Variants in PRKCH observed in about 807,000 individuals in gnomAD.
PRKCH encodes protein kinase C eta, also known as protein kinase C eta type.
A neutral mutation model predicts 82.5 loss-of-function variants in PRKCH; 28 were observed. That is an observed-to-expected ratio of 0.34 (90% confidence interval 0.25 to 0.47). The LOEUF (loss-of-function observed/expected upper bound fraction) is 0.47. Ranked by LOEUF, PRKCH falls within the 20% of genes least tolerant of loss-of-function variation. The pLI, the probability that PRKCH is intolerant of heterozygous loss-of-function variation, is 1.00. For synonymous variants in PRKCH, 322 were observed against 327.4 expected, an observed-to-expected ratio of 0.98 and a Z score of 0.18; for missense variants, 705 against 881.8, an observed-to-expected ratio of 0.80 and a Z score of 2.54.
At chr14:61,237,068 CT>C (rs979156518) in intron 1 of PRKCH, among the ~76,000 whole-genome samples, 6 of 151,926 alleles carry the variant, frequency 3.9e-5, no homozygotes, top group Non-Finnish European at 8.8e-5. Context: ...TCCAAGAACC[CT>C]TTTTTGGGGT....
At chr14:61,454,926 C>G (rs932328969) in intron 7 of PRKCH, among the ~76,000 whole-genome samples, 4 of 152,172 alleles carry the variant, frequency 2.6e-5, no homozygotes, top group African/African-American at 9.7e-5. Context: ...AAGGGAAGTG[C>G]AATTACTGTG....
chr14:61,342,406 A>C (rs1566829155), intron 1 of PRKCH, among the ~76,000 whole-genome samples: 1 of 152,124 alleles, frequency 6.6e-6, no homozygotes, highest in Admixed American at 6.5e-5. Flanking sequence ...AGATTTGAAA[A>C]ATCCTAGAAT....
At chr14:61,343,412 C>G (rs1187754396) in intron 1 of PRKCH, among the ~76,000 whole-genome samples, 1 of 136,160 alleles carries the variant, frequency 7.3e-6, no homozygotes, top group Non-Finnish European at 1.5e-5. Context: ...AAAAGACTTA[C>G]ATGTTGAGGC....
chr14:61,512,787 G>A (rs2042764394), intron 10 of PRKCH, among the ~76,000 whole-genome samples: 1 of 152,078 alleles, frequency 6.6e-6, no homozygotes, highest in Non-Finnish European at 1.5e-5. Context: ...GTACCTACAA[G>A]CCCAATTTTC....
chr14:61,214,022 A>G (rs2044600618), intron 1 of PRKCH, among the ~76,000 whole-genome samples: 1 of 152,136 alleles, frequency 6.6e-6, no homozygotes, highest in Admixed American at 6.5e-5. Context: ...GAATTCTAGG[A>G]ATTCTTTAGG....
intron 2 of PRKCH, chr14:61,442,560 G>A (rs1198825099): frequency 6.6e-6 from 1 of 152,442 alleles, no homozygotes; most frequent in Non-Finnish European, 1.5e-5. Flanking sequence ...CTTGGTCTGT[G>A]CTACAAGAGA....
intron 1 of PRKCH, among the ~76,000 whole-genome samples, chr14:61,221,360 G>A (rs528628346): frequency 2.6e-5 from 4 of 152,248 alleles, no homozygotes; most frequent in South Asian, 2.1e-4. Flanking sequence ...ATTGTGTTTG[G>A]ATGGTGGATA....
intron 9 of PRKCH, among the ~76,000 whole-genome samples, chr14:61,466,452 G>A (rs761530086): frequency 4.6e-5 from 7 of 152,064 alleles, no homozygotes; most frequent in South Asian, 2.1e-4. Flanking sequence ...TCCCCGGCTC[G>A]CAGGGGCCTC....
At chr14:61,369,820 G>A (rs766944387) in intron 1 of PRKCH, among the ~76,000 whole-genome samples, 1 of 152,032 alleles carries the variant, frequency 6.6e-6, no homozygotes, top group Non-Finnish European at 1.5e-5. Context: ...GGAAGAAAGT[G>A]ACAGAAAGTT....
chr14:61,528,326 T>C (rs1268566980), intron 10 of PRKCH, among the ~76,000 whole-genome samples: 2 of 152,072 alleles, frequency 1.3e-5, no homozygotes, highest in African/African-American at 2.4e-5. Context: ...CCCAAGTATG[T>C]GGGACTACAG....
At chr14:61,520,729 T>C (rs180993622) in intron 10 of PRKCH, among the ~76,000 whole-genome samples, 1 of 152,338 alleles carries the variant, frequency 6.6e-6, no homozygotes, top group Admixed American at 6.5e-5. Context: ...ATTAGAAGGA[T>C]GATTCCATCT....
At chr14:61,501,400 C>T (rs3783765) in intron 10 of PRKCH, among the ~76,000 whole-genome samples, 120,883 of 151,792 alleles carry the variant, frequency 0.8, 48,616 homozygotes, top group Middle Eastern at 0.89. Context: ...CCCTGATAGA[C>T]AAATAAATGA....
intron 1 of PRKCH, among the ~76,000 whole-genome samples, chr14:61,286,271 T>G (rs2045312867): frequency 6.6e-6 from 1 of 152,230 alleles, no homozygotes; most frequent in South Asian, 2.1e-4. Context: ...CAGAAAAGTT[T>G]TAAAAAAATT....
At chr14:61,319,587 G>A (rs2045591327), upstream of PRKCH, among the ~76,000 whole-genome samples, 1 of 152,052 alleles carries the variant, frequency 6.6e-6, no homozygotes. Context: ...AAAATTTAAA[G>A]TCTACACCCC....
chr14:61,473,039 G>A (rs181134001), intron 9 of PRKCH, among the ~76,000 whole-genome samples: 15 of 152,312 alleles, frequency 9.8e-5, no homozygotes, highest in African/African-American at 3.1e-4. Flanking sequence ...ACTTCCCAGA[G>A]GAGGGGCTGT....
intron 9 of PRKCH, among the ~76,000 whole-genome samples, chr14:61,478,129 A>G (rs1326983008): frequency 6.6e-6 from 1 of 152,244 alleles, no homozygotes; most frequent in East Asian, 1.9e-4. Flanking sequence ...GATGAGGATA[A>G]TAATAGTTGC....
At chr14:61,342,688 G>A (rs530099037) in intron 1 of PRKCH, among the ~76,000 whole-genome samples, 1 of 152,322 alleles carries the variant, frequency 6.6e-6, no homozygotes, top group East Asian at 1.9e-4. Context: ...CAGGGCGGAG[G>A]TGTTTCAGCC....
At chr14:61,351,640 G>T (rs2046076202) in intron 1 of PRKCH, among the ~76,000 whole-genome samples, 1 of 152,198 alleles carries the variant, frequency 6.6e-6, no homozygotes. Context: ...GAGGACGCAT[G>T]TTGGGTGTTG....
At position 61,329,234 on chromosome 14, in the gene PRKCH, C is replaced by CTTTTTTTTTTTTTTTTTTTT. The variant is rs71117812; in HGVS notation, c.363+6771_363+6790dup. ...ACTGCTCTTAGATAAACTCCTGAGT[C>CTTTTTTTTTTTTTTTTTTTT]TTTTTTTTTTTTTTTTTTTTGAGAC... On this transcript the variant is annotated intron_variant, in intron 1 of 13. Coordinates refer to ENST00000332981, the MANE Select transcript of PRKCH (RefSeq NM_006255.5). Among the ~76,000 whole-genome samples, 5 of 63,468 alleles carry CTTTTTTTTTTTTTTTTTTTT rather than the reference C, an allele frequency of 7.9e-5. 1 individual carries two copies. The highest frequency in any genetic ancestry group is 2.8e-4 in the Admixed American group (1 of 3,632). The allele number at this position is 63,468 out of a possible 152,430, so 41.6% of individuals were successfully genotyped here.
Sources: gnomAD v4.1 joint callset for allele counts (sites outside exome capture counted in the v4.1 genomes callset) on GRCh38, gnomAD v4.1.1 for gene constraint, MANE v1.5 for transcripts, NCBI Gene and HGNC (gene_info 2026-07-23, HGNC 2026-07-21) for gene names.